AGMO: variants seen among roughly 807,000 people sequenced by gnomAD.
AGMO encodes the protein alkylglycerol monooxygenase, also known as glyceryl-ether monooxygenase.
A neutral mutation model predicts 60.2 loss-of-function variants in AGMO; 75 were observed. That is an observed-to-expected ratio of 1.25 (90% confidence interval 1.03 to 1.51). AGMO has a LOEUF of 1.51. AGMO is among the 40% of genes most tolerant of loss of function. The pLI is 0.00. For missense variants in AGMO, 763 were observed against 525.5 expected (o/e 1.45, Z -4.42); for synonymous variants, 261 against 177.1 (o/e 1.47, Z -3.76).
Position 15,550,648 on chromosome 7 carries a change from C to G in AGMO, c.258-5725G>C, listed in dbSNP as rs1217857885. Among the ~76,000 whole-genome samples the G allele has an allele frequency of 4.6e-3, 700 of 150,980 alleles. 3 individuals carry two copies. Among genetic ancestry groups the G allele is most frequent in the African/African-American group, 0.016 (670 of 41,024 alleles). On this transcript the variant is annotated intron_variant, in intron 2 of 12. Transcript: ENST00000342526. ...GTTGAATCTCTGAATAGACCAATAACAGGAGCTGAAATTCTGGCAATAATC... is the reference window on the plus strand; with the variant it reads ...GTTGAATCTCTGAATAGACCAATAAGAGGAGCTGAAATTCTGGCAATAATC...
chr7:15,435,325 T>TA (rs1030824550), intron 3 of AGMO, among the ~76,000 whole-genome samples: 8 of 151,942 alleles, frequency 5.3e-5, no homozygotes, highest in African/African-American at 1.9e-4. Flanking sequence ...TTTTTTTTTT[T>TA]TTATTAGTAC....
At chr7:15,356,953 CAAAAAAAA>C (rs917201250) in intron 12 of AGMO, among the ~76,000 whole-genome samples, 27 of 68,922 alleles carry the variant, frequency 3.9e-4, no homozygotes, top group Non-Finnish European at 6.3e-4. Context: ...ACTAAAATTA[CAAAAAAAA>C]AAAAAAAAAA....
chr7:15,417,541 C>T (rs559593257), intron 5 of AGMO, among the ~76,000 whole-genome samples: 3 of 152,254 alleles, frequency 2.0e-5, no homozygotes, highest in East Asian at 3.9e-4. Context: ...GGTCTTTGAC[C>T]TCTAGAGTCA....
the AGMO span, among the ~76,000 whole-genome samples, chr7:15,189,528 C>A: frequency 2.0e-5 from 3 of 151,918 alleles, no homozygotes; most frequent in South Asian, 2.1e-4. Flanking sequence ...GGAGCCAGCA[C>A]ATTAATAGCT....
chr7:15,229,937 T>C (rs1477230259), intron 12 of AGMO, among the ~76,000 whole-genome samples: 1 of 151,596 alleles, frequency 6.6e-6, no homozygotes, highest in Non-Finnish European at 1.5e-5. Context: ...CCGATTGTCA[T>C]CTTGTAACTC....
intron 12 of AGMO, among the ~76,000 whole-genome samples, chr7:15,359,690 T>C (rs1782679091): frequency 1.3e-5 from 2 of 152,222 alleles, no homozygotes; most frequent in Non-Finnish European, 2.9e-5. Flanking sequence ...CTCCTACCCC[T>C]GGTTCATTTC....
At chr7:15,553,780 A>G (rs1347556416) in intron 2 of AGMO, among the ~76,000 whole-genome samples, 4 of 152,126 alleles carry the variant, frequency 2.6e-5, no homozygotes, top group Non-Finnish European at 5.9e-5. Flanking sequence ...TATTTCCTGT[A>G]CAGGTGCCAG....
downstream of AGMO, among the ~76,000 whole-genome samples, chr7:15,197,777 T>A (rs548772250): frequency 6.6e-6 from 1 of 152,346 alleles, no homozygotes; most frequent in Non-Finnish European, 1.5e-5. Flanking sequence ...TCTTGGAGCA[T>A]CAAATTGAAT....
intron 3 of AGMO, among the ~76,000 whole-genome samples, chr7:15,432,369 C>T (rs75011498): frequency 0.14 from 7,125 of 49,452 alleles, 300 homozygotes; most frequent in Middle Eastern, 0.22. Flanking sequence ...TATACACACA[C>T]ATATATATAT....
intron 12 of AGMO, among the ~76,000 whole-genome samples, chr7:15,331,095 T>C (rs1781487011): frequency 6.6e-6 from 1 of 152,302 alleles, no homozygotes; most frequent in South Asian, 2.1e-4. Flanking sequence ...GAGAGATCTA[T>C]ATAGGAGTAA....
intron 12 of AGMO, among the ~76,000 whole-genome samples, chr7:15,332,077 GC>G (rs765986461): frequency 1.3e-5 from 2 of 152,212 alleles, no homozygotes. Context: ...GATGGAAGGA[GC>G]CTAGGTACCT....
At chr7:15,473,256 A>G (rs77543723) in intron 3 of AGMO, among the ~76,000 whole-genome samples, 1 of 151,924 alleles carries the variant, frequency 6.6e-6, no homozygotes, top group Non-Finnish European at 1.5e-5. Context: ...GCAGTAATTA[A>G]TACCCTACCA....
chr7:15,219,845 T>G (rs924291581), intron 12 of AGMO, among the ~76,000 whole-genome samples: 2 of 152,056 alleles, frequency 1.3e-5, no homozygotes, highest in African/African-American at 4.8e-5. Flanking sequence ...CTCCAAGGAG[T>G]ATATACCTAA....
chr7:15,437,485 C>T (rs1325499317), intron 3 of AGMO, among the ~76,000 whole-genome samples: 1 of 150,680 alleles, frequency 6.6e-6, no homozygotes, highest in Non-Finnish European at 1.5e-5. Flanking sequence ...TCCATATGTT[C>T]AGCATGATAG....
chr7:15,530,324 G>A (rs566944051), intron 3 of AGMO, among the ~76,000 whole-genome samples: 3 of 75,012 alleles, frequency 4.0e-5, no homozygotes, highest in Non-Finnish European at 7.5e-5. Flanking sequence ...TTCTATATAC[G>A]TATTTCCATA....
intron 3 of AGMO, among the ~76,000 whole-genome samples, chr7:15,465,460 T>C (rs1782257720): frequency 6.6e-6 from 1 of 151,108 alleles, no homozygotes; most frequent in Non-Finnish European, 1.5e-5. Flanking sequence ...TCTTGCTCTT[T>C]TGCCCAGGCT....
chr7:15,232,090 T>G (rs780987599), intron 12 of AGMO, among the ~76,000 whole-genome samples: 7 of 152,194 alleles, frequency 4.6e-5, no homozygotes, highest in Non-Finnish European at 8.8e-5. Flanking sequence ...ATTTTTTATT[T>G]CTCATCCTCC....
chr7:15,355,148 A>T (rs1176486832), intron 12 of AGMO, among the ~76,000 whole-genome samples: 2 of 152,088 alleles, frequency 1.3e-5, no homozygotes, highest in Non-Finnish European at 2.9e-5. Flanking sequence ...CCTCCCCTAT[A>T]CAAGAATAGA....
chr7:15,345,379 C>A (rs1224802148), intron 12 of AGMO, among the ~76,000 whole-genome samples: 2 of 152,180 alleles, frequency 1.3e-5, no homozygotes, highest in Admixed American at 1.3e-4. Context: ...TGCCCTCCCT[C>A]ATACCCTTCA....
Sources: gnomAD v4.1 joint callset for allele counts (sites outside exome capture counted in the v4.1 genomes callset) on GRCh38, gnomAD v4.1.1 for gene constraint, MANE v1.5 for transcripts, NCBI Gene and HGNC (gene_info 2026-07-23, HGNC 2026-07-21) for gene names.